The following CPA6 variants were observed in gnomAD, a reference collection of about 807,000 sequenced individuals.
The protein encoded by CPA6 is carboxypeptidase B.
In CPA6, 58 loss-of-function variants were observed where a neutral mutation model predicts 63.3. The observed-to-expected ratio is 0.92, with a 90% confidence interval of 0.74 to 1.14. The LOEUF (loss-of-function observed/expected upper bound fraction) is 1.14. CPA6 is among the 50% of genes most tolerant of loss of function. The pLI, the probability that CPA6 is intolerant of heterozygous loss-of-function variation, is 0.00. For missense variants in CPA6, 565 were observed against 526.6 expected (o/e 1.07, Z -0.71); for synonymous variants, 185 against 179.0 (o/e 1.03, Z -0.27).
chr8:67,640,992 T>C (rs1157688469), intron 1 of CPA6, among the ~76,000 whole-genome samples: 1 of 151,650 alleles, frequency 6.6e-6, no homozygotes, highest in African/African-American at 2.4e-5. Flanking sequence ...TGCCCAGCCA[T>C]GCAAGGGTGC....
At chr8:67,704,380 A>T (rs1001575229) in intron 1 of CPA6, among the ~76,000 whole-genome samples, 1 of 152,234 alleles carries the variant, frequency 6.6e-6, no homozygotes, top group Non-Finnish European at 1.5e-5. Flanking sequence ...TTGTCTGCTT[A>T]AAAAGCATGG....
chr8:67,734,522 A>G (rs1817777764), intron 1 of CPA6, among the ~76,000 whole-genome samples: 2 of 152,178 alleles, frequency 1.3e-5, no homozygotes, highest in Non-Finnish European at 2.9e-5. Context: ...CTCTGCTTCC[A>G]CAAAGAGTTC....
At chr8:67,652,416 C>T (rs1358426373) in intron 1 of CPA6, among the ~76,000 whole-genome samples, 1 of 152,082 alleles carries the variant, frequency 6.6e-6, no homozygotes, top group Non-Finnish European at 1.5e-5. Flanking sequence ...TGTTTCCTGA[C>T]TTTTTAATGA....
intron 7 of CPA6, among the ~76,000 whole-genome samples, chr8:67,484,106 A>G (rs751264614): frequency 8.0e-5 from 12 of 150,514 alleles, no homozygotes; most frequent in Non-Finnish European, 1.5e-4. Flanking sequence ...GTCTCGCTCT[A>G]TCGCCCTGGC....
chr8:67,439,573 G>C (rs1473590914), intron 8 of CPA6, among the ~76,000 whole-genome samples: 6 of 146,458 alleles, frequency 4.1e-5, no homozygotes, highest in Admixed American at 3.4e-4. Flanking sequence ...TGGGTGACAA[G>C]AGCAAGACTC....
chr8:67,674,214 G>C (rs1435366691), intron 1 of CPA6, among the ~76,000 whole-genome samples: 2 of 152,184 alleles, frequency 1.3e-5, no homozygotes, highest in Non-Finnish European at 2.9e-5. Flanking sequence ...TCTGATTTCA[G>C]GGCTCAGGCT....
intron 1 of CPA6, among the ~76,000 whole-genome samples, chr8:67,689,122 T>A (rs967894439): frequency 6.6e-6 from 1 of 152,062 alleles, no homozygotes; most frequent in Non-Finnish European, 1.5e-5. Context: ...GTGTAGCATT[T>A]CGTAATTCAG....
rs959886168 is a variant in CPA6, at chr8:67,462,000, G to T, written c.838+21768C>A. Reference sequence around the variant, plus strand: ...TAGAGGCTTTAGTTAAAATTTTTAGGTTTTTTTTTTTTAAAGAACACTGAC... The same window carrying T: ...TAGAGGCTTTAGTTAAAATTTTTAGTTTTTTTTTTTTTAAAGAACACTGAC... On this transcript the variant is annotated intron_variant, in intron 8 of 10. Transcript: ENST00000297770. Among the ~76,000 whole-genome samples, 88 of 145,442 alleles carry T rather than the reference G, an allele frequency of 6.1e-4. 1 individual carries two copies. The highest frequency in any genetic ancestry group is 3.6e-3 in the Middle Eastern group (1 of 278).
Position 67,677,342 on chromosome 8 carries a change from CTT to C in CPA6, c.117-53093_117-53092del, listed in dbSNP as rs35049117. Among the ~76,000 whole-genome samples the C allele has an allele frequency of 1.5e-3, 197 of 128,326 alleles. 1 individual carries two copies. Among genetic ancestry groups the C allele is most frequent in the East Asian group, 5.6e-3 (25 of 4,490 alleles). The allele number at this position is 128,326 out of a possible 152,430, so 84.2% of individuals were successfully genotyped here. On this transcript the variant is annotated intron_variant, in intron 1 of 10. Transcript: ENST00000297770. Reference sequence around the variant, plus strand: ...TCTTTATTCATTTTCAAAACACCTTCTTTTTTTTTTTTTTTTTTTATCCTGCT... The same window carrying C: ...TCTTTATTCATTTTCAAAACACCTTCTTTTTTTTTTTTTTTTTATCCTGCT...
chr8:67,691,824 CATTTTAG>C (rs1816819377), intron 1 of CPA6, among the ~76,000 whole-genome samples: 1 of 152,136 alleles, frequency 6.6e-6, no homozygotes, highest in Non-Finnish European at 1.5e-5. Context: ...AGTACAGGCT[CATTTTAG>C]AAGGGGGATA....
At chr8:67,730,851 A>G (rs1817692355) in intron 1 of CPA6, among the ~76,000 whole-genome samples, 1 of 152,210 alleles carries the variant, frequency 6.6e-6, no homozygotes, top group African/African-American at 2.4e-5. Context: ...TGGAGTGATC[A>G]ATACTTAAAA....
At chr8:67,568,993 C>T (rs1813415120) in intron 2 of CPA6, among the ~76,000 whole-genome samples, 1 of 152,156 alleles carries the variant, frequency 6.6e-6, no homozygotes, top group South Asian at 2.1e-4. Context: ...TCAGGTGATC[C>T]ACCCACCTTG....
At position 67,626,350 on chromosome 8, in the gene CPA6, T is replaced by C. The variant is rs546890232; in HGVS notation, c.117-2099A>G. ...TTGTGTTTATTTCCAATCATGATAG[T>C]TTTATTATTTCAAATGATCCTGTAA... is the stretch of plus-strand genomic sequence containing the variant. On this transcript the variant is annotated intron_variant, in intron 1 of 10. Transcript: ENST00000297770. 8.5e-5 allele frequency among the ~76,000 whole-genome samples: 13 copies of C among 152,286 alleles called. No homozygotes were observed. The South Asian group carries it at 2.7e-3, about 32-fold the overall frequency.
intron 8 of CPA6, among the ~76,000 whole-genome samples, chr8:67,462,625 G>T (rs1047371060): frequency 6.6e-6 from 1 of 152,124 alleles, no homozygotes; most frequent in Non-Finnish European, 1.5e-5. Flanking sequence ...GTGTAATATT[G>T]CCTGTTTTCC....
At chr8:67,529,969 A>AT (rs1812444591) in intron 2 of CPA6, among the ~76,000 whole-genome samples, 1 of 152,220 alleles carries the variant, frequency 6.6e-6, no homozygotes. Flanking sequence ...AAAACAGAAA[A>AT]GAGTTTTGTG....
At chr8:67,423,676 A>G (rs879412865) in intron 10 of CPA6, among the ~76,000 whole-genome samples, 10 of 152,196 alleles carry the variant, frequency 6.6e-5, no homozygotes, top group African/African-American at 2.4e-4. Flanking sequence ...TAGAGATACT[A>G]TAAAGTCACA....
intron 1 of CPA6, among the ~76,000 whole-genome samples, chr8:67,701,304 TTATTTGTAAAAGAAGGTGA>T (rs1362011769): frequency 2.0e-5 from 3 of 152,198 alleles, no homozygotes; most frequent in African/African-American, 7.2e-5. Context: ...CTCAGTTGCC[TTATTTGTAAAAGAAGGTGA>T]TATCACTCAT....
At chr8:67,456,773 G>A (rs1253000711) in intron 8 of CPA6, among the ~76,000 whole-genome samples, 1 of 152,152 alleles carries the variant, frequency 6.6e-6, no homozygotes, top group African/African-American at 2.4e-5. Context: ...TTGAGATGAG[G>A]AGATTATTCC....
In CPA6 at chr8:67,677,749, A is replaced by G. The variant is rs1816507525; in HGVS notation, c.117-53498T>C. On this transcript the variant is annotated intron_variant, in intron 1 of 10. Coordinates refer to ENST00000297770, the MANE Select transcript of CPA6 (RefSeq NM_020361.5). Reference sequence around the variant, plus strand: ...AAATCTTTCAAATACCTAGGGTGGTAAAAAATCTAGGCAAGAGTGGATGGC... The same window carrying G: ...AAATCTTTCAAATACCTAGGGTGGTGAAAAATCTAGGCAAGAGTGGATGGC... Among the ~76,000 whole-genome samples, 3 of 152,168 alleles carry G rather than the reference A, an allele frequency of 2.0e-5. 1 individual carries two copies. In the South Asian group the frequency reaches 6.2e-4, roughly 32 times the overall value.
Sources: allele counts gnomAD v4.1 joint callset (sites outside exome capture counted in the v4.1 genomes callset), GRCh38; gene constraint gnomAD v4.1.1; transcripts MANE v1.5; gene names NCBI Gene and HGNC (gene_info 2026-07-23, HGNC 2026-07-21).